The following VWC2 variants were observed in gnomAD, a reference collection of about 807,000 sequenced individuals.
The protein encoded by VWC2 is brorin.
A neutral mutation model predicts 29.8 loss-of-function variants in VWC2; 14 were observed. That is an observed-to-expected ratio of 0.47 (90% CI 0.31 to 0.74). The LOEUF (loss-of-function observed/expected upper bound fraction) is 0.74, where lower values mean the gene tolerates loss of function less well. VWC2 is among the 30% of genes least tolerant of loss of function. The pLI is 0.05. For synonymous variants in VWC2, 213 were observed against 199.0 expected, an observed-to-expected ratio of 1.07 and a Z score of -0.59; for missense variants, 457 against 459.8, an observed-to-expected ratio of 0.99 and a Z score of 0.05.
chr7:49,868,466 T>C (rs1461110455), intron 3 of VWC2, among the ~76,000 whole-genome samples: 1 of 152,250 alleles, frequency 6.6e-6, no homozygotes, highest in Non-Finnish European at 1.5e-5. Context: ...GTATATGTAC[T>C]GTATTTTATA....
At chr7:49,843,705 C>G (rs1010543021) in intron 3 of VWC2, among the ~76,000 whole-genome samples, 1 of 152,176 alleles carries the variant, frequency 6.6e-6, no homozygotes, top group African/African-American at 2.4e-5. Context: ...CAGCTGAGGT[C>G]TATTAGAGAC....
intron 3 of VWC2, among the ~76,000 whole-genome samples, chr7:49,832,380 T>C (rs1789553617): frequency 6.6e-6 from 1 of 152,152 alleles, no homozygotes; most frequent in African/African-American, 2.4e-5. Flanking sequence ...TAGAACCTCA[T>C]TCTATTTTCT....
intron 3 of VWC2, among the ~76,000 whole-genome samples, chr7:49,887,895 T>C (rs1479063664): frequency 2.6e-5 from 4 of 152,244 alleles, no homozygotes; most frequent in Admixed American, 2.0e-4. Context: ...GTTTCTTCCT[T>C]GCGTTGTATT....
intron 2 of VWC2, among the ~76,000 whole-genome samples, chr7:49,794,509 T>C (rs1788540383): frequency 6.6e-6 from 1 of 152,206 alleles, no homozygotes; most frequent in South Asian, 2.1e-4. Context: ...ACAGGGTGTA[T>C]GCTCAGCAGG....
chr7:49,789,840 A>G (rs1002941627), intron 2 of VWC2, among the ~76,000 whole-genome samples: 5 of 152,254 alleles, frequency 3.3e-5, no homozygotes, highest in Non-Finnish European at 5.9e-5. Context: ...AATTCTACAA[A>G]GATTTCAGCG....
At chr7:49,895,277 G>A (rs1792326144) in intron 3 of VWC2, among the ~76,000 whole-genome samples, 1 of 152,132 alleles carries the variant, frequency 6.6e-6, no homozygotes, top group African/African-American at 2.4e-5. Flanking sequence ...CCACTCATGA[G>A]GGCTCTGCCC....
At position 49,917,950 on chromosome 7, in the gene VWC2, A is replaced by T. The variant is rs917009429; in HGVS notation, c.*5765A>T. ...TTCAGGGTTTATTCTTTTCCTAAGC[A>T]TATAATTCTTATAATGGAAAAAAGT... On this transcript the variant is annotated 3_prime_UTR_variant, in exon 4 of 4. Coordinates refer to ENST00000340652, the MANE Select transcript of VWC2 (RefSeq NM_198570.5). The T allele has an allele frequency of 1.3e-5, 2 of 152,156 alleles. No homozygotes were observed. Among genetic ancestry groups the T allele is most frequent in the African/African-American group, 4.8e-5 (2 of 41,428 alleles). 9.4% of individuals were successfully genotyped at this position (152,156 alleles called of 1,614,324 possible).
At chr7:49,791,234 A>G (rs565600198) in intron 2 of VWC2, among the ~76,000 whole-genome samples, 2 of 152,250 alleles carry the variant, frequency 1.3e-5, no homozygotes, top group Admixed American at 1.3e-4. Context: ...TGTGAGCTGG[A>G]AACAGGTTTT....
intron 3 of VWC2, among the ~76,000 whole-genome samples, chr7:49,911,245 A>G (rs970985731): frequency 2.6e-5 from 4 of 152,088 alleles, no homozygotes; most frequent in African/African-American, 9.7e-5. Context: ...GCACTTTGGG[A>G]GGCCAAGGCG....
At chr7:49,788,633 G>GTGTGTGGGTGTGAGTGTGGA (rs1788360849) in intron 2 of VWC2, among the ~76,000 whole-genome samples, 2 of 151,158 alleles carry the variant, frequency 1.3e-5, no homozygotes, top group Admixed American at 1.3e-4. Flanking sequence ...GTGTGAGTGA[G>GTGTGTGGGTGTGAGTGTGGA]TGTGTGGGTG....
chr7:49,797,943 G>C (rs967621022), intron 2 of VWC2, among the ~76,000 whole-genome samples: 1 of 152,230 alleles, frequency 6.6e-6, no homozygotes, highest in African/African-American at 2.4e-5. Flanking sequence ...TAAAATGTAG[G>C]TGGTGATTTG....
At chr7:49,780,972 A>C (rs1397355901) in intron 2 of VWC2, among the ~76,000 whole-genome samples, 1 of 152,254 alleles carries the variant, frequency 6.6e-6, no homozygotes, top group Non-Finnish European at 1.5e-5. Context: ...CTCTATATCA[A>C]TTATGAGAAA....
intron 3 of VWC2, among the ~76,000 whole-genome samples, chr7:49,827,372 T>C (rs1022267929): frequency 4.1e-5 from 1 of 24,628 alleles, no homozygotes; most frequent in South Asian, 1.7e-3. Flanking sequence ...TTTTAATTCA[T>C]ATTAATTCCA....
At chr7:49,814,696 C>A (rs1194854175) in intron 3 of VWC2, among the ~76,000 whole-genome samples, 2 of 152,238 alleles carry the variant, frequency 1.3e-5, no homozygotes, top group East Asian at 1.9e-4. Context: ...ACTTCCCATG[C>A]CTTTGGGAAT....
Position 49,876,209 on chromosome 7 carries a change from G to A in VWC2, c.827-35825G>A, listed in dbSNP as rs142295541. ...AAGAGACACAGGTTGGGTAAATCAC[G>A]TCCAGATAGTAAGATACCGAAATGT... On this transcript the variant is annotated intron_variant, in intron 3 of 3. Coordinates refer to ENST00000340652, the MANE Select transcript of VWC2 (RefSeq NM_198570.5). 1.3e-3 allele frequency among the ~76,000 whole-genome samples: 194 copies of A among 152,254 alleles called. 1 individual carries two copies. The highest frequency in any genetic ancestry group is 4.5e-3 in the African/African-American group (188 of 41,544).
At chr7:49,861,821 T>C (rs903083687) in intron 3 of VWC2, among the ~76,000 whole-genome samples, 6 of 152,228 alleles carry the variant, frequency 3.9e-5, no homozygotes, top group African/African-American at 1.4e-4. Flanking sequence ...CTGGGTTTAC[T>C]TTTGGACTCT....
At chr7:49,819,547 T>A (rs1462051218) in intron 3 of VWC2, among the ~76,000 whole-genome samples, 2 of 152,194 alleles carry the variant, frequency 1.3e-5, no homozygotes, top group South Asian at 2.1e-4. Context: ...AGGTTTGTAG[T>A]GGGGAGACCT....
chr7:49,903,380 A>G (rs931602176), intron 3 of VWC2, among the ~76,000 whole-genome samples: 1 of 152,240 alleles, frequency 6.6e-6, no homozygotes, highest in South Asian at 2.1e-4. Flanking sequence ...TGGTACAGCC[A>G]TACCATGGAA....
At chr7:49,804,405 G>A (rs959366954) in intron 3 of VWC2, among the ~76,000 whole-genome samples, 20 of 152,154 alleles carry the variant, frequency 1.3e-4, no homozygotes, top group African/African-American at 4.6e-4. Context: ...GAGGGCTGGC[G>A]CTCAGGCCAT....
Sources: allele counts gnomAD v4.1 joint callset (sites outside exome capture counted in the v4.1 genomes callset), GRCh38; gene constraint gnomAD v4.1.1; transcripts MANE v1.5; gene names NCBI Gene and HGNC (gene_info 2026-07-23, HGNC 2026-07-21).